The following SLC9A4 variants were observed in gnomAD, a reference collection of about 807,000 sequenced individuals.
The protein encoded by SLC9A4 is solute carrier family 9 member A4.
SLC9A4 carries 63 observed loss-of-function variants against 67.4 expected under a neutral mutation model. The observed-to-expected ratio is 0.93, with a 90% confidence interval of 0.76 to 1.15. SLC9A4 has a LOEUF of 1.15. SLC9A4 is among the 50% of genes most tolerant of loss of function. SLC9A4 has a pLI of 0.00. For missense variants in SLC9A4, 1,089 were observed against 987.7 expected (o/e 1.10, Z -1.38); for synonymous variants, 393 against 367.2 (o/e 1.07, Z -0.80).
chr2:102,502,565 C>A (rs1175747151), intron 2 of SLC9A4, among the ~76,000 whole-genome samples: 1 of 152,196 alleles, frequency 6.6e-6, no homozygotes, highest in African/African-American at 2.4e-5. Context: ...GAAGGACACG[C>A]TTGGGAGGGG....
At chr2:102,506,348 C>G (rs868010993) in intron 4 of SLC9A4, among the ~76,000 whole-genome samples, 12 of 152,216 alleles carry the variant, frequency 7.9e-5, no homozygotes, top group African/African-American at 2.9e-4. Context: ...AAGCCAATTA[C>G]TCAAAGAGAA....
chr2:102,482,787 A>G (rs1684493377), intron 2 of SLC9A4, among the ~76,000 whole-genome samples: 1 of 152,238 alleles, frequency 6.6e-6, no homozygotes, highest in African/African-American at 2.4e-5. Context: ...ATTATTACAG[A>G]GGTCAAGATA....
chr2:102,499,245 A>G (rs767069925), intron 2 of SLC9A4, among the ~76,000 whole-genome samples: 5 of 152,138 alleles, frequency 3.3e-5, no homozygotes, highest in Non-Finnish European at 7.3e-5. Flanking sequence ...ATGGCCCCAG[A>G]TAGAGAGATG....
intron 6 of SLC9A4, among the ~76,000 whole-genome samples, chr2:102,510,204 T>G (rs60724166): frequency 4.6e-5 from 7 of 151,930 alleles, no homozygotes; most frequent in South Asian, 2.1e-4. Context: ...TATAGATAGA[T>G]ATAGATATAG....
At chr2:102,494,264 A>C (rs1684761498) in intron 2 of SLC9A4, among the ~76,000 whole-genome samples, 1 of 151,906 alleles carries the variant, frequency 6.6e-6, no homozygotes, top group African/African-American at 2.4e-5. Context: ...TTTTATATGA[A>C]CTGGTATAAT....
rs543411034 is a variant in SLC9A4, at chr2:102,507,997, G to A, written c.1199-82G>A. The A allele has an allele frequency of 2.2e-4, 289 of 1,331,070 alleles. 1 individual carries two copies. The highest frequency in any genetic ancestry group is 1.3e-3 in the Middle Eastern group (7 of 5,516). The allele number at this position is 1,331,070 out of a possible 1,614,324, so 82.5% of individuals were successfully genotyped here. ...TTAGGCTGCATTGTTTGCAGGGCAC[G>A]CGCACACAACCTCAGTTCACTAGCT... On this transcript the variant is annotated intron_variant, in intron 4 of 11. Transcript: ENST00000295269.
In SLC9A4 at chr2:102,505,278, GA is replaced by G; in HGVS notation, c.1010del (p.Lys337SerfsTer19). The G allele has an allele frequency of 6.2e-7, 1 of 1,614,104 alleles. No individual in the cohort carries two copies. The highest frequency in any genetic ancestry group is 8.5e-7 in the Non-Finnish European group (1 of 1,180,006). On this transcript the variant is annotated frameshift_variant, in exon 4 of 12. Coordinates refer to ENST00000295269, the MANE Select transcript of SLC9A4 (RefSeq NM_001011552.4). LOFTEE classifies it high-confidence loss of function. ...LAITACAVTM[K>X]KYVEENVSQT... is the part of the protein sequence containing the mutation. ...GAATCACAGCCTGCGCAGTAACAAT[GA>G]AAAAGTACGTGGAAGAAAACGTGTC...
chr2:102,505,178 C>T (rs1033366693), intron 3 of SLC9A4, 76 bp from the exon 4 acceptor site: 1 of 1,323,544 alleles, frequency 7.6e-7, no homozygotes, highest in Non-Finnish European at 1.1e-6. Flanking sequence ...GCATCTGTGG[C>T]ATTGCCTGTG....
At chr2:102,486,100 C>T (rs927558355) in intron 2 of SLC9A4, among the ~76,000 whole-genome samples, 8 of 152,170 alleles carry the variant, frequency 5.3e-5, no homozygotes, top group Non-Finnish European at 1.0e-4. Context: ...GGGACCCTTA[C>T]TCTATTACTT....
chr2:102,479,332 G>C (rs747545637), intron 2 of SLC9A4, 30 bp downstream of exon 2: 2 of 1,572,376 alleles, frequency 1.3e-6, no homozygotes, highest in South Asian at 1.2e-5. Context: ...CCCGGCTTCC[G>C]GGGGAGATGA....
intron 9 of SLC9A4, among the ~76,000 whole-genome samples, chr2:102,520,582 T>G (rs1442854392): frequency 6.6e-6 from 1 of 152,202 alleles, no homozygotes; most frequent in Admixed American, 6.5e-5. Flanking sequence ...CGAAGTCATA[T>G]AATGACAAGT....
Position 102,508,062 on chromosome 2 carries a change from C to G in SLC9A4, c.1199-17C>G, listed in dbSNP as rs201793078. 1 of 1,611,970 alleles carries G rather than the reference C, an allele frequency of 6.2e-7. No individual in the cohort carries two copies. Among genetic ancestry groups the G allele is most frequent in the African/African-American group, 1.3e-5 (1 of 74,864 alleles). On this transcript the variant is annotated splice_polypyrimidine_tract_variant and intron_variant, in intron 4 of 11. Coordinates refer to ENST00000295269, the MANE Select transcript of SLC9A4 (RefSeq NM_001011552.4). ...GTTCATGATCCTCTGCTCTAATACA[C>G]GTTTCCCCCTTTCTAGGCGTATTTG...
chr2:102,501,500 C>G (rs1052268097), intron 2 of SLC9A4, among the ~76,000 whole-genome samples: 7 of 152,202 alleles, frequency 4.6e-5, no homozygotes, highest in African/African-American at 1.4e-4. Context: ...CCACCTCGGC[C>G]TCCCAAAGTG....
At chr2:102,490,783 A>G (rs1035858809) in intron 2 of SLC9A4, among the ~76,000 whole-genome samples, 6 of 152,228 alleles carry the variant, frequency 3.9e-5, no homozygotes, top group Non-Finnish European at 7.3e-5. Context: ...GAACTTGATT[A>G]TGCTGTGTAA....
chr2:102,488,548 CTT>C (rs5833020), intron 2 of SLC9A4, among the ~76,000 whole-genome samples: 37,470 of 124,076 alleles, frequency 0.3, 4,982 homozygotes, highest in Admixed American at 0.38. Flanking sequence ...AATCTAATTC[CTT>C]TTTTTTTTTT....
intron 7 of SLC9A4, among the ~76,000 whole-genome samples, chr2:102,513,380 T>C (rs905628781): frequency 6.6e-6 from 1 of 152,166 alleles, no homozygotes. Flanking sequence ...AACTACTCTT[T>C]GAATGTAAAA....
At chr2:102,531,132 G>A (rs1186380797) in intron 11 of SLC9A4, among the ~76,000 whole-genome samples, 2 of 140,566 alleles carry the variant, frequency 1.4e-5, no homozygotes, top group African/African-American at 5.4e-5. Flanking sequence ...GCGTGATCTC[G>A]GCTCACTGCA....
At chr2:102,477,728 C>T (rs187673276) in intron 1 of SLC9A4, among the ~76,000 whole-genome samples, 1 of 152,090 alleles carries the variant, frequency 6.6e-6, no homozygotes, top group Non-Finnish European at 1.5e-5. Context: ...CAAGCAGTGA[C>T]AACGGAATGA....
chr2:102,478,780 T>G (rs77330797), intron 1 of SLC9A4, 59 bp from the exon 2 acceptor site: 1 of 1,532,596 alleles, frequency 6.5e-7, no homozygotes, highest in Non-Finnish European at 8.9e-7. Flanking sequence ...TTAAAAGACC[T>G]CAGGTACACC....
Sources: gnomAD v4.1 joint callset for allele counts (sites outside exome capture counted in the v4.1 genomes callset) on GRCh38, gnomAD v4.1.1 for gene constraint, MANE v1.5 for transcripts, NCBI Gene and HGNC (gene_info 2026-07-23, HGNC 2026-07-21) for gene names.